SHOC1: variants seen among roughly 807,000 people sequenced by gnomAD.
SHOC1 encodes shortage in chiasmata 1, also known as protein shortage in chiasmata 1 ortholog.
SHOC1 carries 136 observed loss-of-function variants against 179.2 expected under a neutral mutation model. The observed-to-expected ratio is 0.76, with a 90% CI of 0.66 to 0.87. The LOEUF (loss-of-function observed/expected upper bound fraction) is 0.87. SHOC1 is among the 40% of genes least tolerant of loss of function. The pLI is 0.00. For missense variants in SHOC1, 1,538 were observed against 1,700.8 expected (o/e 0.90, Z 1.68); for synonymous variants, 489 against 586.6 (o/e 0.83, Z 2.41).
chr9:111,739,485 C>A (rs1378079336), intron 11 of SHOC1, among the ~76,000 whole-genome samples: 4 of 152,014 alleles, frequency 2.6e-5, no homozygotes, highest in Non-Finnish European at 4.4e-5. Context: ...CATCCCCCAA[C>A]CCCTGTCCCA....
chr9:111,702,423 TG>T (rs1832022170), intron 22 of SHOC1, among the ~76,000 whole-genome samples, 197 bp from the exon 23 acceptor site: 2 of 152,200 alleles, frequency 1.3e-5, no homozygotes, highest in African/African-American at 2.4e-5. Flanking sequence ...AAACACCTAA[TG>T]ACAGCTTCAG....
intron 22 of SHOC1, among the ~76,000 whole-genome samples, chr9:111,703,021 G>C (rs901361924): frequency 2.0e-5 from 3 of 152,086 alleles, no homozygotes; most frequent in Non-Finnish European, 2.9e-5. Context: ...GAGATAGGAG[G>C]ATCACTCGAG....
chr9:111,698,726 T>G (rs1831824212), intron 24 of SHOC1, among the ~76,000 whole-genome samples: 1 of 152,146 alleles, frequency 6.6e-6, no homozygotes, highest in African/African-American at 2.4e-5. Flanking sequence ...CGGGGAATAG[T>G]ATTCCTGGGG....
chr9:111,762,352 C>T (rs959709237), intron 5 of SHOC1, among the ~76,000 whole-genome samples: 7 of 151,798 alleles, frequency 4.6e-5, no homozygotes, highest in South Asian at 4.2e-4. Flanking sequence ...CACTTGAGCC[C>T]GGGGGTTTCA....
At chr9:111,722,062 G>A (rs1833077309) in intron 15 of SHOC1, among the ~76,000 whole-genome samples, 2 of 152,282 alleles carry the variant, frequency 1.3e-5, no homozygotes, top group East Asian at 3.9e-4. Context: ...AAAAAGTCTA[G>A]GATTGACTTT....
chr9:111,693,028 G>T (rs1831514214), intron 26 of SHOC1, among the ~76,000 whole-genome samples: 1 of 152,176 alleles, frequency 6.6e-6, no homozygotes, highest in African/African-American at 2.4e-5. Context: ...AATATAGGCT[G>T]GGGTTTATGG....
intron 11 of SHOC1, among the ~76,000 whole-genome samples, chr9:111,739,238 G>A (rs1833930730): frequency 6.6e-6 from 1 of 151,944 alleles, no homozygotes; most frequent in African/African-American, 2.4e-5. Context: ...TTCTTTACAT[G>A]CATTATTCTT....
intron 8 of SHOC1, among the ~76,000 whole-genome samples, chr9:111,754,342 G>C (rs974407821): frequency 2.6e-5 from 4 of 152,138 alleles, no homozygotes; most frequent in African/African-American, 7.2e-5. Flanking sequence ...TATACAAATA[G>C]CCAACAGTAT....
intron 27 of SHOC1, among the ~76,000 whole-genome samples, chr9:111,690,195 G>A (rs913520144): frequency 2.0e-5 from 3 of 152,138 alleles, no homozygotes; most frequent in Non-Finnish European, 2.9e-5. Context: ...AGGCCAAGGC[G>A]GGTAGATTAC....
chr9:111,773,837 A>G (rs1008082514), intron 5 of SHOC1, among the ~76,000 whole-genome samples: 3 of 151,790 alleles, frequency 2.0e-5, no homozygotes, highest in Non-Finnish European at 2.9e-5. Flanking sequence ...GTAATTATTT[A>G]TAATTCTTAT....
At chr9:111,737,966 G>A (rs867656445) in intron 12 of SHOC1, 24 of 347,036 alleles carry the variant, frequency 6.9e-5, no homozygotes, top group African/African-American at 2.8e-4. Context: ...CAATGTGAAC[G>A]GAAACTGCTA....
chr9:111,704,294 CATT>C (rs1428885591), intron 21 of SHOC1, among the ~76,000 whole-genome samples: 3 of 152,116 alleles, frequency 2.0e-5, no homozygotes, highest in African/African-American at 7.2e-5. Flanking sequence ...GAAATCAAAA[CATT>C]ATGGGACTAA....
chr9:111,714,692 G>T, intron 16 of SHOC1, 69 bp from the exon 17 acceptor site: 2 of 1,354,582 alleles, frequency 1.5e-6, no homozygotes, highest in Non-Finnish European at 1.0e-6. Flanking sequence ...GGTAAAAAAG[G>T]CTTAAAGAAA....
Position 111,705,299 on chromosome 9 carries a change from CA to C in SHOC1, c.2802del (p.Phe934LeufsTer16). 1.9e-6 allele frequency: 3 copies of C among 1,588,640 alleles called. No homozygotes were observed. The highest frequency in any genetic ancestry group is 2.3e-5 in the East Asian group (1 of 43,394). On this transcript the variant is annotated frameshift_variant, in exon 21 of 28. Transcript: ENST00000682961. LOFTEE classifies it high-confidence loss of function. The part of the protein sequence containing the change: ...LLEIQIPYVF[F>X]ASEGLLNTPD... ...GGAGTATTAAGAAGTCCTTCAGATGCAAAAAACACATATGGAATCTGAATTT... is the reference window on the plus strand; with the variant it reads ...GGAGTATTAAGAAGTCCTTCAGATGCAAAAACACATATGGAATCTGAATTT...
intron 8 of SHOC1, among the ~76,000 whole-genome samples, chr9:111,752,388 TC>T (rs2131545736): frequency 6.6e-6 from 1 of 152,346 alleles, no homozygotes; most frequent in South Asian, 2.1e-4. Flanking sequence ...TTCAGCTCTT[TC>T]CCACCATAGT....
Position 111,705,417 on chromosome 9 carries a change from CTT to C in SHOC1, c.2738-55_2738-54del, listed in dbSNP as rs1238619786. The C allele has an allele frequency of 2.8e-3, 1,847 of 671,324 alleles. 3 individuals are homozygous for C. Among genetic ancestry groups the C allele is most frequent in the South Asian group, 9.8e-3 (255 of 26,104 alleles). The allele number at this position is 671,324 out of a possible 1,614,324, so 41.6% of individuals were successfully genotyped here. A position where few individuals can be genotyped will look rare whatever the true frequency, so the allele number is the denominator to read the frequency against. On this transcript the variant is annotated intron_variant, in intron 20 of 27. Coordinates refer to ENST00000682961, the MANE Select transcript of SHOC1 (RefSeq NM_001378211.1). Reference sequence around the variant, plus strand: ...TCTCTTTTATTCTCATCTCCCAGCTCTTTCTCTTTTTTTTTTTACTAAACATG... The same window carrying C: ...TCTCTTTTATTCTCATCTCCCAGCTCTCTCTTTTTTTTTTTACTAAACATG...
chr9:111,701,021 A>G (rs749419312), intron 23 of SHOC1, among the ~76,000 whole-genome samples: 2 of 152,170 alleles, frequency 1.3e-5, no homozygotes, highest in Non-Finnish European at 2.9e-5. Flanking sequence ...ACTTTGCCCC[A>G]TGAGCTTTTT....
chr9:111,694,436 A>C, intron 24 of SHOC1, 74 bp from the exon 25 acceptor site: 2 of 1,103,554 alleles, frequency 1.8e-6, no homozygotes, highest in Non-Finnish European at 2.6e-6. Context: ...AACAGTTTGT[A>C]ATTAGAAGAT....
chr9:111,741,676 C>T (rs1834047869), intron 10 of SHOC1, 106 bp from the exon 11 acceptor site: 1 of 525,926 alleles, frequency 1.9e-6, no homozygotes, highest in African/African-American at 2.0e-5. Flanking sequence ...CTCTGTCGCC[C>T]AGGCTGGGGT....
Sources: allele counts gnomAD v4.1 joint callset (sites outside exome capture counted in the v4.1 genomes callset), GRCh38; gene constraint gnomAD v4.1.1; transcripts MANE v1.5; gene names NCBI Gene and HGNC (gene_info 2026-07-23, HGNC 2026-07-21).